Variants in UBE4B observed in about 807,000 individuals in gnomAD.
UBE4B encodes the protein ubiquitination factor E4B, also known as ubiquitin conjugation factor E4 B.
UBE4B carries 27 observed loss-of-function variants against 148.1 expected under a neutral mutation model. The observed-to-expected ratio is 0.18, with a 90% CI of 0.13 to 0.25. The LOEUF (loss-of-function observed/expected upper bound fraction) is 0.25, where lower values mean the gene tolerates loss of function less well. Ranked by LOEUF, UBE4B falls within the 10% of genes least tolerant of loss-of-function variation. The pLI is 1.00. For synonymous variants in UBE4B, 596 were observed against 619.3 expected (o/e 0.96, Z 0.56); for missense variants, 1,170 against 1,662.4 (o/e 0.70, Z 5.15).
At chr1:10,157,142 G>A (rs1408285791) in intron 21 of UBE4B, among the ~76,000 whole-genome samples, 3 of 152,136 alleles carry the variant, frequency 2.0e-5, no homozygotes, top group African/African-American at 7.2e-5. Context: ...AGCCTCCTGA[G>A]TAGCTGGAAT....
intron 10 of UBE4B, among the ~76,000 whole-genome samples, chr1:10,126,149 AT>A (rs1373817085): frequency 6.6e-6 from 1 of 152,128 alleles, no homozygotes; most frequent in African/African-American, 2.4e-5. Flanking sequence ...AAATACAAAA[AT>A]TAGCCAGGTG....
intron 15 of UBE4B, among the ~76,000 whole-genome samples, chr1:10,134,380 C>T (rs1024533288): frequency 1.3e-5 from 2 of 151,692 alleles, no homozygotes; most frequent in African/African-American, 2.4e-5. Flanking sequence ...GGCGTGGTGG[C>T]GGGTGCCTGT....
At chr1:10,091,653 C>T (rs923323864) in intron 2 of UBE4B, among the ~76,000 whole-genome samples, 1 of 152,006 alleles carries the variant, frequency 6.6e-6, no homozygotes. Context: ...TCACCCAGGC[C>T]GCAGTGCAGT....
At chr1:10,037,089 G>T (rs954342697) in intron 1 of UBE4B, among the ~76,000 whole-genome samples, 1 of 152,034 alleles carries the variant, frequency 6.6e-6, no homozygotes, top group Non-Finnish European at 1.5e-5. Flanking sequence ...GTGCAATGGC[G>T]CGATCTTGGC....
chr1:10,067,016 A>T (rs938930982), intron 1 of UBE4B, among the ~76,000 whole-genome samples: 6 of 152,198 alleles, frequency 3.9e-5, no homozygotes, highest in Middle Eastern at 3.4e-3. Flanking sequence ...ACTTTTTTTT[A>T]AAGTAGAAAA....
chr1:10,076,247 CTT>C (rs369214323), intron 2 of UBE4B, among the ~76,000 whole-genome samples: 15 of 131,602 alleles, frequency 1.1e-4, no homozygotes, highest in Admixed American at 1.5e-4. Context: ...TTCTTTCTTT[CTT>C]TTTTTTTTTT....
At chr1:10,124,905 C>T (rs944946842) in intron 10 of UBE4B, among the ~76,000 whole-genome samples, 1 of 151,958 alleles carries the variant, frequency 6.6e-6, no homozygotes, top group African/African-American at 2.4e-5. Context: ...GCAGGTGGAT[C>T]GCCTGAGCTC....
intron 2 of UBE4B, among the ~76,000 whole-genome samples, chr1:10,092,838 AAAG>A (rs1156944748): frequency 4.6e-5 from 7 of 152,072 alleles, no homozygotes; most frequent in African/African-American, 7.2e-5. Flanking sequence ...CAAAAAAAAA[AAAG>A]AAGAAAGAAA....
intron 1 of UBE4B, among the ~76,000 whole-genome samples, chr1:10,035,199 A>T (rs973154317): frequency 6.7e-5 from 10 of 150,146 alleles, no homozygotes; most frequent in Admixed American, 6.0e-4. Context: ...GGGTTTCACC[A>T]TGTTGGCCAG....
chr1:10,103,774 T>C (rs761835369), intron 5 of UBE4B, among the ~76,000 whole-genome samples: 4 of 152,004 alleles, frequency 2.6e-5, no homozygotes, highest in Non-Finnish European at 5.9e-5. Flanking sequence ...ATTACAGGCA[T>C]GCGCCACCAC....
intron 5 of UBE4B, 92 bp from the exon 6 acceptor site, chr1:10,105,424 C>G (rs1452700868): frequency 9.3e-7 from 1 of 1,078,376 alleles, no homozygotes; most frequent in Non-Finnish European, 1.4e-6. Flanking sequence ...GATACTGCAT[C>G]GAACCATTTG....
chr1:10,145,002 A>G lies in UBE4B; in HGVS notation c.2426A>G (p.His809Arg). The G allele has an allele frequency of 1.2e-6, 2 of 1,613,896 alleles. No individual in the cohort carries two copies. The highest frequency in any genetic ancestry group is 8.5e-7 in the Non-Finnish European group (1 of 1,179,892). Reference protein sequence around the residue: ...QWKDSPLATRHREMLKRCKTQ... With the variant: ...QWKDSPLATRRREMLKRCKTQ... ...AAAGATTCCCCACTGGCAACTAGAC[A>G]CCGCGAAATGCTGAAGCGCTGTAAA... Residue 809 changes from histidine (H) to arginine (R), a missense_variant, in exon 18 of 28, where the codon CAC (histidine) becomes CGC (arginine). Physicochemically the swap from His to Arg is conservative, Grantham distance 29. Transcript: ENST00000343090.
chr1:10,159,045 T>C (rs79086613), intron 22 of UBE4B, among the ~76,000 whole-genome samples: 2,484 of 151,154 alleles, frequency 0.016, 61 homozygotes, highest in African/African-American at 0.056. Context: ...AAAGATCCTA[T>C]AAATATGCTG....
Position 10,158,406 on chromosome 1 carries a change from C to T in UBE4B, c.2977C>T (p.Arg993Cys). The T allele has an allele frequency of 6.2e-7, 1 of 1,614,134 alleles. No homozygotes were observed. The highest frequency in any genetic ancestry group is 8.5e-7 in the Non-Finnish European group (1 of 1,180,020). Residue 993 changes from arginine (R) to cysteine (C), a missense_variant, in exon 22 of 28, where the codon CGC becomes TGC. Transcript: ENST00000343090. ...TGAGTTTTATGACAAGTTCACAATTCGCTATCATATTAGCACCATTTTTAA... is the reference window on the plus strand; with the variant it reads ...TGAGTTTTATGACAAGTTCACAATTTGCTATCATATTAGCACCATTTTTAA... ...TSEFYDKFTI[R>C]YHISTIFKSL...
intron 1 of UBE4B, 145 bp from the exon 2 acceptor site, chr1:10,071,883 A>T: frequency 1.3e-6 from 1 of 778,934 alleles, no homozygotes. Context: ...ATACTGGTAG[A>T]GCGAGTTATT....
intron 10 of UBE4B, among the ~76,000 whole-genome samples, chr1:10,125,850 TG>T (rs1292744741): frequency 6.6e-6 from 1 of 152,224 alleles, no homozygotes; most frequent in Non-Finnish European, 1.5e-5. Flanking sequence ...TTACACTATA[TG>T]TGGAGGTAAG....
chr1:10,071,811 A>G (rs1644490995), intron 1 of UBE4B, among the ~76,000 whole-genome samples: 1 of 152,168 alleles, frequency 6.6e-6, no homozygotes, highest in Non-Finnish European at 1.5e-5. Context: ...GACTATAGGC[A>G]GGCACCGCTG....
chr1:10,034,302 C>G (rs1643414479), intron 1 of UBE4B, among the ~76,000 whole-genome samples: 1 of 152,148 alleles, frequency 6.6e-6, no homozygotes, highest in Non-Finnish European at 1.5e-5. Flanking sequence ...CTGTTACATT[C>G]TATCTTTTCC....
At chr1:10,101,719 A>G (rs892602265) in intron 4 of UBE4B, among the ~76,000 whole-genome samples, 9 of 151,968 alleles carry the variant, frequency 5.9e-5, no homozygotes, top group East Asian at 1.9e-4. Context: ...CGTGTTAGCC[A>G]GGATGGTCTT....
Sources: gnomAD v4.1 joint callset for allele counts (sites outside exome capture counted in the v4.1 genomes callset) on GRCh38, gnomAD v4.1.1 for gene constraint, MANE v1.5 for transcripts, NCBI Gene and HGNC (gene_info 2026-07-23, HGNC 2026-07-21) for gene names.